The following NELL1 variants were observed in gnomAD, a reference collection of about 807,000 sequenced individuals.
The protein encoded by NELL1 is protein kinase C-binding protein NELL1.
Under a neutral mutation model 107.4 loss-of-function variants are expected in NELL1, and 76 were observed. The observed-to-expected ratio is 0.71, with a 90% CI of 0.59 to 0.86. The LOEUF is 0.86. NELL1 is among the 40% of genes least tolerant of loss of function. The pLI is 0.00. For synonymous variants in NELL1, 353 were observed against 341.2 expected, an observed-to-expected ratio of 1.03 and a Z score of -0.38; for missense variants, 1,024 against 1,005.5, an observed-to-expected ratio of 1.02 and a Z score of -0.25.
At chr11:21,117,890 G>C (rs1855274877) in intron 13 of NELL1, among the ~76,000 whole-genome samples, 1 of 151,928 alleles carries the variant, frequency 6.6e-6, no homozygotes, top group African/African-American at 2.4e-5. Flanking sequence ...CTAATCACTA[G>C]TTCCATCCAT....
rs1393897817 is a variant in NELL1 at position 20,669,727 on chromosome 11, C to A, written c.4C>A (p.Pro2Thr). The change falls in exon 1 of 20, where the codon CCG becomes ACG. Residue 2 changes from proline to threonine, a missense_variant. Transcript: ENST00000357134. This position sits in a 1 kb window ranked among gnomAD's most constrained non-coding sequence, Gnocchi z 4.4. M[P>T]MDLILVVWFC... is the part of the protein sequence containing the mutation. ...TAGGCGGGGACCCTCGAGAGCGATG[C>A]CGATGGATTTGATTTTAGTTGTGTG... is the stretch of plus-strand genomic sequence containing the variant. The A allele has an allele frequency of 6.2e-7, 1 of 1,613,300 alleles. No homozygotes were observed. The highest frequency in any genetic ancestry group is 1.7e-5 in the Admixed American group (1 of 59,954).
intron 14 of NELL1, among the ~76,000 whole-genome samples, chr11:21,281,198 C>T (rs1848984559): frequency 6.6e-6 from 1 of 151,760 alleles, no homozygotes; most frequent in Non-Finnish European, 1.5e-5. Flanking sequence ...CATTTCTGGA[C>T]ACCCCCCGAG....
At chr11:21,292,356 G>C (rs1326204159) in intron 14 of NELL1, among the ~76,000 whole-genome samples, 1 of 152,012 alleles carries the variant, frequency 6.6e-6, no homozygotes, top group African/African-American at 2.4e-5. Flanking sequence ...AAATACCTAG[G>C]AATACAACTT....
intron 11 of NELL1, among the ~76,000 whole-genome samples, chr11:20,952,069 T>A (rs1212967331): frequency 1.4e-5 from 2 of 139,750 alleles, no homozygotes; most frequent in Non-Finnish European, 3.2e-5. Context: ...AAAAAAAAAA[T>A]GTCAACAATA....
At chr11:21,260,183 C>CT (rs1332126210) in intron 14 of NELL1, 1 of 151,874 alleles carries the variant, frequency 6.6e-6, no homozygotes, top group East Asian at 1.9e-4. Context: ...GTCTCTCAGG[C>CT]TTTTCCCCAC....
chr11:20,934,686 A>C (rs936443174), intron 9 of NELL1, among the ~76,000 whole-genome samples: 1 of 152,236 alleles, frequency 6.6e-6, no homozygotes, highest in African/African-American at 2.4e-5. Flanking sequence ...CAGTGCACTT[A>C]GCAGAACTGT....
intron 15 of NELL1, among the ~76,000 whole-genome samples, chr11:21,381,904 A>ATTTTTTTTT (rs149327802): frequency 7.7e-5 from 7 of 91,376 alleles, no homozygotes; most frequent in African/African-American, 3.1e-4. Context: ...CCTGGAAGGG[A>ATTTTTTTTT]TTTTTTTTTT....
intron 12 of NELL1, among the ~76,000 whole-genome samples, chr11:20,986,857 C>T (rs771876833): frequency 2.6e-5 from 4 of 152,206 alleles, no homozygotes; most frequent in Non-Finnish European, 2.9e-5. Flanking sequence ...CAGTTATCAC[C>T]AGGTCGCTCC....
chr11:21,118,230 C>T (rs1332801165), intron 13 of NELL1, among the ~76,000 whole-genome samples: 1 of 151,890 alleles, frequency 6.6e-6, no homozygotes, highest in Non-Finnish European at 1.5e-5. Flanking sequence ...CAATGGGGGG[C>T]TGTGGGAATT....
chr11:21,241,203 T>A (rs2133898254), intron 14 of NELL1, among the ~76,000 whole-genome samples: 1 of 152,204 alleles, frequency 6.6e-6, no homozygotes, highest in South Asian at 2.1e-4. Flanking sequence ...TACTGAAATA[T>A]TTCATTGTCA....
intron 12 of NELL1, among the ~76,000 whole-genome samples, chr11:21,030,068 A>C (rs543440147): frequency 6.6e-6 from 1 of 152,342 alleles, no homozygotes; most frequent in Admixed American, 6.5e-5. Context: ...ATAGATCTGC[A>C]CAAGTTTGGG....
At chr11:20,986,420 T>G (rs12417870) in intron 12 of NELL1, among the ~76,000 whole-genome samples, 56 of 152,144 alleles carry the variant, frequency 3.7e-4, no homozygotes, top group Admixed American at 2.0e-4. Context: ...AATTTGGAGA[T>G]GCTTGTCTTA....
intron 12 of NELL1, among the ~76,000 whole-genome samples, chr11:21,020,502 G>T (rs1406085961): frequency 1.3e-5 from 2 of 150,438 alleles, no homozygotes; most frequent in African/African-American, 4.9e-5. Context: ...AGTTAGTTTT[G>T]TTTTTTTTTC....
chr11:20,987,012 A>G (rs904771060), intron 12 of NELL1, among the ~76,000 whole-genome samples: 20 of 152,228 alleles, frequency 1.3e-4, no homozygotes, highest in African/African-American at 4.3e-4. Context: ...GAAGAAAACT[A>G]AAAACTTCAG....
intron 10 of NELL1, among the ~76,000 whole-genome samples, chr11:20,938,099 A>G (rs1029351699): frequency 6.6e-6 from 1 of 152,156 alleles, no homozygotes; most frequent in African/African-American, 2.4e-5. Context: ...AGGATGTGAG[A>G]GGAGAAAGAA....
At chr11:21,443,116 A>G (rs1853335047) in intron 15 of NELL1, among the ~76,000 whole-genome samples, 1 of 152,102 alleles carries the variant, frequency 6.6e-6, no homozygotes, top group South Asian at 2.1e-4. Context: ...GGACATATCC[A>G]GTGAGGGTTT....
intron 14 of NELL1, among the ~76,000 whole-genome samples, chr11:21,232,159 A>AAAAATATATATATAT (rs1554985116): frequency 2.7e-5 from 2 of 73,208 alleles, no homozygotes; most frequent in African/African-American, 5.2e-5. Context: ...AAAAAAAAAA[A>AAAAATATATATATAT]ATATATATAT....
Position 20,922,874 on chromosome 11 carries a change from G to A in NELL1, c.759+3540G>A, listed in dbSNP as rs193008634. Among the ~76,000 whole-genome samples, 78 of 152,214 alleles carry A rather than the reference G, an allele frequency of 5.1e-4. 1 individual carries two copies. Among genetic ancestry groups the A allele is most frequent in the Admixed American group, 1.9e-3 (29 of 15,286 alleles). On this transcript the variant is annotated intron_variant, in intron 7 of 19. Transcript: ENST00000357134. The stretch of plus-strand genomic sequence containing the variant: ...TTATTCCTGCTCTTGTAAAGATTCC[G>A]TGAGCCCAGGCAAATGAGGTTTGTT...
chr11:21,331,181 C>T (rs1349894767), intron 14 of NELL1, among the ~76,000 whole-genome samples: 1 of 151,904 alleles, frequency 6.6e-6, no homozygotes, highest in Admixed American at 6.6e-5. Flanking sequence ...GCTTTAGAGT[C>T]TTTGTCATGT....
Sources: allele counts gnomAD v4.1 joint callset (sites outside exome capture counted in the v4.1 genomes callset), GRCh38; gene constraint gnomAD v4.1.1; non-coding constraint Gnocchi (gnomAD v3.1); transcripts MANE v1.5; gene names NCBI Gene and HGNC (gene_info 2026-07-23, HGNC 2026-07-21).